Variants in ZNF804A observed in about 807,000 individuals in gnomAD.
The protein encoded by ZNF804A is zinc finger protein 804A.
Under a neutral mutation model 16.5 loss-of-function variants are expected in ZNF804A, and 2 were observed. That is an observed-to-expected ratio of 0.12 (90% confidence interval 0.05 to 0.38). The LOEUF (loss-of-function observed/expected upper bound fraction) is 0.38. Among genes scored for constraint, ZNF804A ranks in the 10% least tolerant of loss-of-function variants. ZNF804A has a pLI of 0.99. For synonymous variants in ZNF804A, 534 were observed against 489.6 expected (o/e 1.09, Z -1.20); for missense variants, 1,473 against 1,390.7 (o/e 1.06, Z -0.94).
chr2:184,605,148 G>A (rs1691123130), intron 1 of ZNF804A, among the ~76,000 whole-genome samples: 1 of 151,976 alleles, frequency 6.6e-6, no homozygotes, highest in African/African-American at 2.4e-5. Context: ...CATTGAAATA[G>A]TTTCCTATCG....
intron 1 of ZNF804A, among the ~76,000 whole-genome samples, chr2:184,794,222 C>T (rs915030875): frequency 1.4e-4 from 21 of 152,038 alleles, no homozygotes; most frequent in Admixed American, 9.2e-4. Flanking sequence ...ACTGCATCCA[C>T]GTCAACATCT....
chr2:184,756,254 T>A (rs1054865323), intron 1 of ZNF804A, among the ~76,000 whole-genome samples: 6 of 151,950 alleles, frequency 3.9e-5, no homozygotes, highest in Admixed American at 2.6e-4. Flanking sequence ...TAATTTTATT[T>A]CATGTTTTTA....
chr2:184,643,151 A>AT (rs1385192356), intron 1 of ZNF804A, among the ~76,000 whole-genome samples: 1 of 151,990 alleles, frequency 6.6e-6, no homozygotes, highest in African/African-American at 2.4e-5. Context: ...AATGCCCTAC[A>AT]TTTTTTATTT....
intron 2 of ZNF804A, among the ~76,000 whole-genome samples, chr2:184,890,827 G>T (rs1684969267): frequency 6.7e-6 from 1 of 149,510 alleles, no homozygotes; most frequent in South Asian, 2.1e-4. Flanking sequence ...TCTATATCTG[G>T]TTCATTATAT....
At chr2:184,838,286 T>G (rs1001522705) in intron 1 of ZNF804A, among the ~76,000 whole-genome samples, 3 of 152,060 alleles carry the variant, frequency 2.0e-5, no homozygotes, top group African/African-American at 7.2e-5. Context: ...ACTACTTATC[T>G]TCAAATCTAG....
intron 1 of ZNF804A, among the ~76,000 whole-genome samples, chr2:184,601,978 G>T (rs1691056603): frequency 6.6e-6 from 1 of 151,914 alleles, no homozygotes; most frequent in South Asian, 2.1e-4. Context: ...TGAATTAGAT[G>T]TTACTTATAG....
At chr2:184,635,577 A>G (rs1691682069) in intron 1 of ZNF804A, among the ~76,000 whole-genome samples, 1 of 152,166 alleles carries the variant, frequency 6.6e-6, no homozygotes, top group South Asian at 2.1e-4. Context: ...AAACTAGTTA[A>G]CAAATTAAGC....
chr2:184,834,529 CCT>C (rs1463778465), intron 1 of ZNF804A, among the ~76,000 whole-genome samples: 1 of 152,042 alleles, frequency 6.6e-6, no homozygotes, highest in South Asian at 2.1e-4. Flanking sequence ...CTCATACACT[CCT>C]CTCTCTCTGT....
chr2:184,879,148 T>G, intron 2 of ZNF804A, among the ~76,000 whole-genome samples: 1 of 151,518 alleles, frequency 6.6e-6, no homozygotes, highest in East Asian at 1.9e-4. Flanking sequence ...GTTGTGTGTG[T>G]GAGAGAGAGA....
At chr2:184,718,936 C>A (rs896441289) in intron 1 of ZNF804A, among the ~76,000 whole-genome samples, 1 of 152,110 alleles carries the variant, frequency 6.6e-6, no homozygotes, top group African/African-American at 2.4e-5. Context: ...TGTGGGGATT[C>A]TGCATGGGGG....
At chr2:184,789,154 A>C (rs2105777735) in intron 1 of ZNF804A, among the ~76,000 whole-genome samples, 2 of 152,148 alleles carry the variant, frequency 1.3e-5, no homozygotes, top group East Asian at 3.9e-4. Flanking sequence ...TGTTTTGTGA[A>C]TAGTGAAACA....
At chr2:184,807,438 C>T (rs1475589178) in intron 1 of ZNF804A, among the ~76,000 whole-genome samples, 2 of 151,682 alleles carry the variant, frequency 1.3e-5, no homozygotes, top group Non-Finnish European at 3.0e-5. Context: ...GGTATTAATA[C>T]ACATAAAGAT....
At chr2:184,740,096 T>G (rs1574189386) in intron 1 of ZNF804A, among the ~76,000 whole-genome samples, 1 of 152,202 alleles carries the variant, frequency 6.6e-6, no homozygotes, top group East Asian at 1.9e-4. Context: ...ATTCAACACC[T>G]GTTTAAATTC....
intron 1 of ZNF804A, among the ~76,000 whole-genome samples, chr2:184,774,004 TA>T (rs984160344): frequency 2.6e-5 from 4 of 151,840 alleles, no homozygotes; most frequent in African/African-American, 9.7e-5. Context: ...GCTGTGTCAG[TA>T]AAAATTAGAA....
Position 184,804,532 on chromosome 2 carries a change from C to G in ZNF804A, c.112-61837C>G, listed in dbSNP as rs77000659. 1.9e-3 allele frequency among the ~76,000 whole-genome samples: 290 copies of G among 152,236 alleles called. 10 individuals are homozygous for G. In the East Asian group the frequency reaches 0.054, roughly 28 times the overall value. ...TAATTGAATTAAATATGCATTTTAA[C>G]AAGATCTTAAGTTGTTTCATATGCA... On this transcript the variant is annotated intron_variant, in intron 1 of 3. Transcript: ENST00000302277.
intron 1 of ZNF804A, among the ~76,000 whole-genome samples, chr2:184,775,098 T>C (rs1694266812): frequency 6.6e-6 from 1 of 151,788 alleles, no homozygotes; most frequent in Admixed American, 6.6e-5. Flanking sequence ...CTTTTTGACC[T>C]ATTGTAAGTA....
chr2:184,745,319 A>G (rs1259523052), intron 1 of ZNF804A, among the ~76,000 whole-genome samples: 2 of 151,808 alleles, frequency 1.3e-5, no homozygotes, highest in African/African-American at 4.8e-5. Flanking sequence ...TAAGACTGGA[A>G]CAATCATATG....
At chr2:184,677,509 C>G (rs949360364) in intron 1 of ZNF804A, among the ~76,000 whole-genome samples, 1 of 151,866 alleles carries the variant, frequency 6.6e-6, no homozygotes, top group African/African-American at 2.4e-5. Flanking sequence ...AATACTGAGT[C>G]TACTCAAAAC....
chr2:184,674,604 G>C (rs986710585), intron 1 of ZNF804A, among the ~76,000 whole-genome samples: 1 of 151,760 alleles, frequency 6.6e-6, no homozygotes, highest in African/African-American at 2.4e-5. Context: ...ATAAAATGAA[G>C]AGGATAAGGG....
Sources: allele counts gnomAD v4.1 joint callset (sites outside exome capture counted in the v4.1 genomes callset), GRCh38; gene constraint gnomAD v4.1.1; transcripts MANE v1.5; gene names NCBI Gene and HGNC (gene_info 2026-07-23, HGNC 2026-07-21).